Variants in TNS1 observed in about 807,000 individuals in gnomAD.
TNS1 encodes the protein tensin-1.
Under a neutral mutation model 168.6 loss-of-function variants are expected in TNS1, and 62 were observed. That is an observed-to-expected ratio of 0.37 (90% confidence interval 0.30 to 0.45). TNS1 has a LOEUF of 0.45. TNS1 is among the 20% of genes least tolerant of loss of function. The pLI is 1.00. For synonymous variants in TNS1, 934 were observed against 933.2 expected, an observed-to-expected ratio of 1.00 and a Z score of -0.02; for missense variants, 2,240 against 2,339.4, an observed-to-expected ratio of 0.96 and a Z score of 0.88.
At chr2:217,930,890 A>G (rs978015864) in intron 3 of TNS1, among the ~76,000 whole-genome samples, 2 of 152,140 alleles carry the variant, frequency 1.3e-5, no homozygotes, top group African/African-American at 4.8e-5. Flanking sequence ...GCTGGGGGAC[A>G]GGGCCGGCAG....
intron 4 of TNS1, among the ~76,000 whole-genome samples, chr2:217,914,882 T>A (rs1575063578): frequency 1.3e-5 from 2 of 152,240 alleles, no homozygotes; most frequent in African/African-American, 4.8e-5. Flanking sequence ...AAGTTCTACT[T>A]TGCAGAACAA....
chr2:217,917,955 C>T, intron 4 of TNS1, among the ~76,000 whole-genome samples: 1 of 151,704 alleles, frequency 6.6e-6, no homozygotes, highest in East Asian at 1.9e-4. Flanking sequence ...GTTCAAGAAC[C>T]AGCAGGAAGG....
chr2:218,014,908 GAA>G (rs1958743162), upstream of TNS1, among the ~76,000 whole-genome samples: 1 of 98,166 alleles, frequency 1.0e-5, no homozygotes, highest in African/African-American at 3.3e-5. Context: ...AGGAAGGAAG[GAA>G]GGAAGGAAGG....
chr2:217,970,708 G>GT (rs1957754764), intron 3 of TNS1, among the ~76,000 whole-genome samples: 2 of 152,302 alleles, frequency 1.3e-5, no homozygotes, highest in South Asian at 4.2e-4. Context: ...GATTGCTGGG[G>GT]TGAGGTCGGG....
At chr2:218,018,886 T>C (rs1301331619) in intron 1 of TNS1, among the ~76,000 whole-genome samples, 1 of 152,044 alleles carries the variant, frequency 6.6e-6, no homozygotes, top group Non-Finnish European at 1.5e-5. Flanking sequence ...AGACCAGCCT[T>C]GCCCGCATGG....
intron 22 of TNS1, among the ~76,000 whole-genome samples, chr2:217,828,805 C>T (rs1055991926): frequency 1.3e-5 from 2 of 152,204 alleles, no homozygotes; most frequent in African/African-American, 4.8e-5. Flanking sequence ...CACGGTGAGT[C>T]CATAGATTTC....
rs1407088068 is a variant in TNS1, at chr2:217,804,262, CTCTCT to C, written c.*192_*196del. On this transcript the variant is annotated 3_prime_UTR_variant, in exon 33 of 33. Transcript: ENST00000682258. ...AAGTTCTTCTCCTCCATCTTTCTCT[CTCTCT>C]CTCTCTCTCTCTCTCTCTCTCTTTT... 86 of 528,410 alleles carry C rather than the reference CTCTCT, an allele frequency of 1.6e-4. No homozygotes were observed. In the African/African-American group the frequency reaches 1.8e-3, roughly 11 times the overall value. 32.7% of individuals were successfully genotyped at this position (528,410 alleles called of 1,614,324 possible).
At chr2:217,809,400 G>C (rs201119270) in intron 30 of TNS1, among the ~76,000 whole-genome samples, 933 of 101,948 alleles carry the variant, frequency 9.2e-3, no homozygotes, top group South Asian at 0.012. Flanking sequence ...TGGATGGATG[G>C]ATGGATGGAT....
chr2:217,849,871 G>A (rs1947228355), intron 18 of TNS1: 2 of 985,432 alleles, frequency 2.0e-6, no homozygotes, highest in African/African-American at 1.7e-5. Context: ...GCCCAAGGTG[G>A]TGGTGGCAGG....
chr2:218,033,658 G>T lies in TNS1; in HGVS notation c.156+162C>A, dbSNP rs997176408. On this transcript the variant is annotated intron_variant, in intron 1 of 1. Transcript: ENST00000649572. This position sits in a 1 kb window ranked among gnomAD's most constrained non-coding sequence, Gnocchi z 4.3. ...CAACTGGAGGCCCCTTCACCCGGTC[G>T]TGGTCCTTCCTCCCCCTTGGTCCAC... is the stretch of plus-strand genomic sequence containing the variant. Among the ~76,000 whole-genome samples the T allele has an allele frequency of 6.6e-6, 1 of 152,052 alleles. No homozygotes were observed. The highest frequency in any genetic ancestry group is 2.4e-5 in the African/African-American group (1 of 41,394).
At chr2:217,872,091 C>T (rs566222586) in intron 18 of TNS1, among the ~76,000 whole-genome samples, 3 of 152,356 alleles carry the variant, frequency 2.0e-5, no homozygotes, top group African/African-American at 7.2e-5. Flanking sequence ...TTACTTGCCT[C>T]AGTTTCCTCA....
intron 1 of TNS1, among the ~76,000 whole-genome samples, chr2:218,008,769 A>G (rs912032927): frequency 6.6e-6 from 1 of 152,184 alleles, no homozygotes; most frequent in Non-Finnish European, 1.5e-5. Flanking sequence ...CTTCCCATCC[A>G]TTTGGATGGC....
chr2:217,980,773 C>T (rs141860660), intron 2 of TNS1, among the ~76,000 whole-genome samples: 202 of 152,248 alleles, frequency 1.3e-3, no homozygotes, highest in Non-Finnish European at 2.2e-3. Flanking sequence ...GGGACTCCAC[C>T]TCCCTCCAGC....
intron 18 of TNS1, among the ~76,000 whole-genome samples, chr2:217,877,675 TG>T (rs543762560): frequency 2.6e-5 from 4 of 152,096 alleles, no homozygotes; most frequent in South Asian, 2.1e-4. Context: ...GGAGCTGGGT[TG>T]GGGGGCTGCA....
intron 3 of TNS1, among the ~76,000 whole-genome samples, chr2:217,962,435 C>T (rs1371846834): frequency 1.3e-5 from 2 of 152,042 alleles, no homozygotes; most frequent in Non-Finnish European, 2.9e-5. Context: ...AGGAGCGAAA[C>T]TCCATCTCAA....
In TNS1 at chr2:217,848,131, G is replaced by A; in HGVS notation, c.2386C>T (p.His796Tyr). Reference protein sequence around the residue: ...RPPPRQQERAHLESLVASRPS... With the variant: ...RPPPRQQERAYLESLVASRPS... Reference sequence around the variant, plus strand: ...CTGCTGGCTACAAGACTCTCCAAGTGGGCTCTTTCCTGCTGGCGTGGAGGT... The same window carrying A: ...CTGCTGGCTACAAGACTCTCCAAGTAGGCTCTTTCCTGCTGGCGTGGAGGT... Residue 796 changes from histidine to tyrosine, a missense_variant, in exon 19 of 33, where the codon CAC (histidine) becomes TAC (tyrosine). This residue lies in a region of TNS1 where 2,131 missense variants were observed against 2,171.2 expected (regional missense o/e 0.98). Coordinates refer to ENST00000682258, the MANE Select transcript of TNS1 (RefSeq NM_001387777.1). 6.3e-7 allele frequency: 1 copy of A among 1,593,066 alleles called. No homozygotes were observed. The highest frequency in any genetic ancestry group is 8.5e-7 in the Non-Finnish European group (1 of 1,170,164).
rs553332778 is a variant in TNS1 at position 217,970,641 on chromosome 2, A to G, written c.186+8124T>C. On this transcript the variant is annotated intron_variant, in intron 3 of 32. Coordinates refer to ENST00000682258, the MANE Select transcript of TNS1 (RefSeq NM_001387777.1). ...AAAAGAAGCCAGTCTTGAAGACCACAGCTATGAAACCATCAGAATCGGCAA... is the reference window on the plus strand; with the variant it reads ...AAAAGAAGCCAGTCTTGAAGACCACGGCTATGAAACCATCAGAATCGGCAA... Among the ~76,000 whole-genome samples the G allele has an allele frequency of 2.6e-5, 4 of 152,370 alleles. No homozygotes were observed. In the South Asian group the frequency reaches 8.3e-4, roughly 32 times the overall value.
chr2:217,930,013 G>C (rs1956238916), intron 3 of TNS1, among the ~76,000 whole-genome samples: 1 of 152,204 alleles, frequency 6.6e-6, no homozygotes. Flanking sequence ...CAGCTCACGG[G>C]AGAAAGTCCA....
At chr2:217,970,375 C>A (rs1281425777) in intron 3 of TNS1, among the ~76,000 whole-genome samples, 1 of 152,206 alleles carries the variant, frequency 6.6e-6, no homozygotes, top group East Asian at 1.9e-4. Context: ...TACCCTATGA[C>A]TCCACAATTC....
Sources: allele counts gnomAD v4.1 joint callset (sites outside exome capture counted in the v4.1 genomes callset), GRCh38; gene constraint gnomAD v4.1.1; regional missense constraint gnomAD v4.1.1; non-coding constraint Gnocchi (gnomAD v3.1); transcripts MANE v1.5; gene names NCBI Gene and HGNC (gene_info 2026-07-23, HGNC 2026-07-21).